Variants in GPR137B observed in about 807,000 individuals in gnomAD.
GPR137B encodes the protein G protein-coupled receptor 137B.
GPR137B carries 42 observed loss-of-function variants against 42.5 expected under a neutral mutation model. That is an observed-to-expected ratio of 0.99 (90% CI 0.77 to 1.28). The LOEUF is 1.28. GPR137B is among the 50% of genes most tolerant of loss of function. GPR137B has a pLI of 0.00. For missense variants in GPR137B, 487 were observed against 493.9 expected (o/e 0.99, Z 0.13); for synonymous variants, 218 against 209.7 (o/e 1.04, Z -0.34).
chr1:236,178,649 G>T lies in GPR137B; in HGVS notation c.687+13G>T, dbSNP rs1279944403. 1 of 1,490,892 alleles carries T rather than the reference G, an allele frequency of 6.7e-7. No individual in the cohort carries two copies. Among genetic ancestry groups the T allele is most frequent in the Non-Finnish European group, 9.4e-7 (1 of 1,069,388 alleles). The allele number at this position is 1,490,892 out of a possible 1,614,324, so 92.4% of individuals were successfully genotyped here. ...CTTGGAGTCCAAGGTAGGTGGAAAT[G>T]TGGTCAAGATCCCTCCCATGAAACG... On this transcript the variant is annotated intron_variant, in intron 3 of 6. Coordinates refer to ENST00000366592, the MANE Select transcript of GPR137B (RefSeq NM_003272.4).
intron 1 of GPR137B, among the ~76,000 whole-genome samples, chr1:236,158,531 AT>A (rs770286412): frequency 2.6e-5 from 4 of 152,216 alleles, no homozygotes; most frequent in Middle Eastern, 3.2e-3. Flanking sequence ...TACATAAATT[AT>A]TTTATAATAT....
chr1:236,198,874 C>T (rs1019318689), intron 5 of GPR137B, among the ~76,000 whole-genome samples: 4 of 152,118 alleles, frequency 2.6e-5, no homozygotes, highest in Non-Finnish European at 4.4e-5. Context: ...TTACTCTTTA[C>T]TGGTTTGGGT....
intron 4 of GPR137B, among the ~76,000 whole-genome samples, chr1:236,181,518 G>T (rs1415061835): frequency 1.3e-5 from 2 of 152,168 alleles, no homozygotes; most frequent in African/African-American, 2.4e-5. Context: ...ATTGGCAAAT[G>T]TTCCTTAGCT....
At chr1:236,207,335 C>G in intron 6 of GPR137B, 2 of 931,458 alleles carry the variant, frequency 2.1e-6, no homozygotes, top group Non-Finnish European at 2.6e-6. Flanking sequence ...CAAAAGCTGT[C>G]CTTTGGGTCA....
chr1:236,197,420 G>C (rs954407379), intron 5 of GPR137B, among the ~76,000 whole-genome samples: 8 of 152,054 alleles, frequency 5.3e-5, no homozygotes. Context: ...CTTAGTTTTT[G>C]TTTTATTTGC....
chr1:236,178,535 G>A lies in GPR137B; in HGVS notation c.586G>A (p.Ala196Thr), dbSNP rs775645450. 9 of 1,613,154 alleles carry A rather than the reference G, an allele frequency of 5.6e-6. No homozygotes were observed. The highest frequency in any genetic ancestry group is 3.3e-5 in the Admixed American group (2 of 59,986). The change falls in exon 3 of 7, where the codon GCC becomes ACC. Residue 196 changes from alanine (A) to threonine (T), a missense_variant. Transcript: ENST00000366592. Reference sequence around the variant, plus strand: ...GAAGGTTATCGTCTCTGTGCGAGTGGCCATTAATGACACGCTCTTCGTGCT... The same window carrying A: ...GAAGGTTATCGTCTCTGTGCGAGTGACCATTAATGACACGCTCTTCGTGCT... ...ERKVIVSVRV[A>T]INDTLFVLCA... is the part of the protein sequence containing the mutation.
intron 1 of GPR137B, among the ~76,000 whole-genome samples, chr1:236,152,899 T>C (rs1661910263): frequency 6.7e-6 from 1 of 149,892 alleles, no homozygotes; most frequent in Non-Finnish European, 1.5e-5. Flanking sequence ...CTACTAAAAA[T>C]ACAAAAATTA....
chr1:236,154,657 C>A (rs1337360116), intron 1 of GPR137B, among the ~76,000 whole-genome samples: 1 of 151,932 alleles, frequency 6.6e-6, no homozygotes, highest in Admixed American at 6.6e-5. Context: ...GGCAGGAGTT[C>A]CCAGGGCATC....
chr1:236,153,073 GAAAC>G (rs1405452526), intron 1 of GPR137B, among the ~76,000 whole-genome samples: 10 of 148,078 alleles, frequency 6.8e-5, no homozygotes, highest in Admixed American at 2.0e-4. Context: ...AAAAAAAAAA[GAAAC>G]AAACAAAAAC....
chr1:236,142,773 G>A lies in GPR137B; in HGVS notation c.151G>A (p.Val51Met), dbSNP rs899410834. ...VKLGLTVVYTVFYALLFVFIY... is the reference protein window; with the variant it reads ...VKLGLTVVYTMFYALLFVFIY... ...GCTTGGCCTCACCGTCGTCTACACC[G>A]TGTTCTACGCGCTGCTCTTCGTGTT... The change falls in exon 1 of 7, where the codon GTG (valine) becomes ATG (methionine). Residue 51 changes from valine to methionine, a missense_variant. By Grantham distance (21) the Val-to-Met change is conservative (BLOSUM62 1). Transcript: ENST00000366592. The A allele has an allele frequency of 7.4e-6, 12 of 1,613,670 alleles. No individual in the cohort carries two copies. The highest frequency in any genetic ancestry group is 1.0e-5 in the Non-Finnish European group (12 of 1,179,984).
intron 1 of GPR137B, among the ~76,000 whole-genome samples, chr1:236,143,912 C>A (rs1234990968): frequency 6.6e-6 from 1 of 152,204 alleles, no homozygotes; most frequent in African/African-American, 2.4e-5. Flanking sequence ...CCGCCGTCAT[C>A]ATCGTCATCA....
chr1:236,178,380 T>C, intron 2 of GPR137B, 34 bp from the exon 3 acceptor site: 2 of 1,248,976 alleles, frequency 1.6e-6, no homozygotes, highest in Non-Finnish European at 2.4e-6. Flanking sequence ...TGACCTGGGA[T>C]GTGCAGCTGA....
At chr1:236,178,289 A>G (rs369085206) in intron 2 of GPR137B, 125 bp from the exon 3 acceptor site, 2 of 643,730 alleles carry the variant, frequency 3.1e-6, no homozygotes, top group African/African-American at 3.6e-5. Flanking sequence ...GTCTATTGCC[A>G]GAGTCCAAGC....
intron 5 of GPR137B, among the ~76,000 whole-genome samples, chr1:236,192,022 G>A (rs1294895481): frequency 6.6e-6 from 1 of 152,184 alleles, no homozygotes; most frequent in Non-Finnish European, 1.5e-5. Context: ...GAGATGCCCT[G>A]CCCAGAGAGG....
intron 5 of GPR137B, among the ~76,000 whole-genome samples, chr1:236,193,871 C>G (rs565443075): frequency 6.6e-6 from 1 of 152,240 alleles, no homozygotes; most frequent in Admixed American, 6.5e-5. Flanking sequence ...AAAGCTTTTA[C>G]TTTTGTCCAC....
intron 1 of GPR137B, among the ~76,000 whole-genome samples, chr1:236,159,385 G>C (rs926729855): frequency 6.6e-6 from 1 of 152,104 alleles, no homozygotes. Context: ...GAAAAAATAG[G>C]CTTGGCGGGG....
At chr1:236,186,222 TA>T (rs1315251958) in intron 5 of GPR137B, among the ~76,000 whole-genome samples, 1 of 44,410 alleles carries the variant, frequency 2.3e-5, no homozygotes, top group Non-Finnish European at 3.2e-5. Context: ...ATATTATATA[TA>T]ATATAATATA....
chr1:236,169,062 CT>C (rs1231616766), intron 2 of GPR137B, among the ~76,000 whole-genome samples: 1 of 152,232 alleles, frequency 6.6e-6, no homozygotes, highest in East Asian at 1.9e-4. Flanking sequence ...GCCTCTAAAC[CT>C]TCCTGAGGCA....
At chr1:236,176,403 G>A (rs151237475) in intron 2 of GPR137B, among the ~76,000 whole-genome samples, 2 of 151,978 alleles carry the variant, frequency 1.3e-5, no homozygotes, top group African/African-American at 2.4e-5. Context: ...TGTCCGACTC[G>A]CTCATCTCTC....
Sources: allele counts gnomAD v4.1 joint callset (sites outside exome capture counted in the v4.1 genomes callset), GRCh38; gene constraint gnomAD v4.1.1; transcripts MANE v1.5; gene names NCBI Gene and HGNC (gene_info 2026-07-23, HGNC 2026-07-21).